Variants in CHRM2 observed in about 807,000 individuals in gnomAD.
The protein encoded by CHRM2 is cholinergic receptor muscarinic 2, also known as muscarinic acetylcholine receptor M2.
A neutral mutation model predicts 25.0 loss-of-function variants in CHRM2; 8 were observed. The observed-to-expected ratio is 0.32, with a 90% CI of 0.19 to 0.58. CHRM2 has a LOEUF of 0.58. Ranked by LOEUF, CHRM2 falls within the 20% of genes least tolerant of loss-of-function variation. CHRM2 has a pLI of 0.88. For synonymous variants in CHRM2, 202 were observed against 205.7 expected (o/e 0.98, Z 0.15); for missense variants, 440 against 567.1 (o/e 0.78, Z 2.28).
At chr7:136,908,567 A>G (rs1334611152) in intron 2 of CHRM2, among the ~76,000 whole-genome samples, 1 of 151,954 alleles carries the variant, frequency 6.6e-6, no homozygotes, top group African/African-American at 2.4e-5. Flanking sequence ...TTTTCTTTAT[A>G]CATTAGGTAG....
chr7:136,919,154 C>T (rs1798285790), intron 2 of CHRM2, among the ~76,000 whole-genome samples: 1 of 152,074 alleles, frequency 6.6e-6, no homozygotes, highest in African/African-American at 2.4e-5. Flanking sequence ...GTTCAAGACA[C>T]TGTACGAAGA....
chr7:137,012,177 T>C (rs1336646949), intron 3 of CHRM2, among the ~76,000 whole-genome samples: 2 of 152,042 alleles, frequency 1.3e-5, no homozygotes, highest in Non-Finnish European at 2.9e-5. Context: ...GATACACATA[T>C]AGCTCAACTC....
intron 2 of CHRM2, among the ~76,000 whole-genome samples, chr7:136,914,529 G>A (rs1798001913): frequency 6.6e-6 from 1 of 151,860 alleles, no homozygotes; most frequent in African/African-American, 2.4e-5. Context: ...GCCCATGATG[G>A]AGTCAGAATA....
At position 136,980,500 on chromosome 7, in the gene CHRM2, G is replaced by A. The variant is rs372893075; in HGVS notation, c.-124-11687G>A. ...ACTTTGTTAAATAGGAGTGGTGAGAGAGGGCATCCTTGTCTTCTGCCAGTT... is the reference window on the plus strand; with the variant it reads ...ACTTTGTTAAATAGGAGTGGTGAGAAAGGGCATCCTTGTCTTCTGCCAGTT... On this transcript the variant is annotated intron_variant, in intron 2 of 3. Coordinates refer to ENST00000680005, the MANE Select transcript of CHRM2 (RefSeq NM_001006630.2). Among the ~76,000 whole-genome samples, 20 of 152,322 alleles carry A rather than the reference G, an allele frequency of 1.3e-4. No individual in the cohort carries two copies. In the East Asian group the frequency reaches 1.4e-3, roughly 10 times the overall value.
chr7:136,873,706 A>G (rs952653829), intron 2 of CHRM2, among the ~76,000 whole-genome samples: 2 of 152,286 alleles, frequency 1.3e-5, no homozygotes, highest in East Asian at 3.9e-4. Context: ...TAGTTGTGGC[A>G]CTTGTTTTCC....
At chr7:137,003,510 AC>A (rs1563120398) in intron 3 of CHRM2, among the ~76,000 whole-genome samples, 2 of 147,914 alleles carry the variant, frequency 1.4e-5, no homozygotes. Flanking sequence ...ACACACACAC[AC>A]ACACACACAC....
intron 3 of CHRM2, among the ~76,000 whole-genome samples, chr7:136,992,778 G>T (rs1339253834): frequency 1.3e-5 from 2 of 152,068 alleles, no homozygotes; most frequent in African/African-American, 4.8e-5. Context: ...TTAAGGAATT[G>T]AATCATGAAA....
chr7:136,943,868 C>G (rs1241975842), intron 2 of CHRM2, among the ~76,000 whole-genome samples: 1 of 152,042 alleles, frequency 6.6e-6, no homozygotes, highest in Non-Finnish European at 1.5e-5. Context: ...AAAACACTGG[C>G]TAATAGACTT....
At chr7:136,961,458 A>G (rs1446504470) in intron 2 of CHRM2, among the ~76,000 whole-genome samples, 1 of 152,236 alleles carries the variant, frequency 6.6e-6, no homozygotes, top group African/African-American at 2.4e-5. Context: ...ATACTGAGAT[A>G]CTTTTTAAAT....
rs778079355 is a variant in CHRM2, at chr7:137,014,862, C to T, written c.-4C>T. The T allele has an allele frequency of 6.2e-7, 1 of 1,612,750 alleles. No homozygotes were observed. Among genetic ancestry groups the T allele is most frequent in the Non-Finnish European group, 8.5e-7 (1 of 1,179,258 alleles). Reference sequence around the variant, plus strand: ...CTACTTGGCTACTGATTAGAGAACGCAAAATGAATAACTCAACAAACTCCT... The same window carrying T: ...CTACTTGGCTACTGATTAGAGAACGTAAAATGAATAACTCAACAAACTCCT... On this transcript the variant is annotated 5_prime_UTR_variant, in exon 4 of 4. Transcript: ENST00000680005.
intron 2 of CHRM2, among the ~76,000 whole-genome samples, chr7:136,970,849 T>G (rs1332778513): frequency 6.6e-6 from 1 of 152,178 alleles, no homozygotes; most frequent in Non-Finnish European, 1.5e-5. Context: ...GACTCAGAGA[T>G]TTTGCTTGGG....
At chr7:137,000,794 G>A (rs958706415) in intron 3 of CHRM2, among the ~76,000 whole-genome samples, 5 of 150,834 alleles carry the variant, frequency 3.3e-5, no homozygotes, top group African/African-American at 4.9e-5. Context: ...CACCTGTCAC[G>A]ATTTTTTATC....
chr7:136,974,523 G>A (rs575887690), intron 2 of CHRM2, among the ~76,000 whole-genome samples: 40 of 152,286 alleles, frequency 2.6e-4, no homozygotes, highest in African/African-American at 9.1e-4. Context: ...TTTAAGTAGT[G>A]AGGCTTTCCA....
At chr7:136,977,390 T>A (rs202004580) in intron 2 of CHRM2, among the ~76,000 whole-genome samples, 97 of 2,732 alleles carry the variant, frequency 0.036, 2 homozygotes, top group East Asian at 0.12. Context: ...CCCTGAATCT[T>A]TTTTTTTTCT....
rs570207328 is a variant in CHRM2, at chr7:136,874,200, G to A, written c.-125+4782G>A. On this transcript the variant is annotated intron_variant, in intron 2 of 3. Coordinates refer to ENST00000680005, the MANE Select transcript of CHRM2 (RefSeq NM_001006630.2). ...GCACTTAAGATTCTGAATTTCAATG[G>A]CCCCATTTACTTTTAATTAGTATTT... Among the ~76,000 whole-genome samples, 17 of 152,148 alleles carry A rather than the reference G, an allele frequency of 1.1e-4. No homozygotes were observed. In the Middle Eastern group the frequency reaches 0.014, roughly 122 times the overall value.
chr7:136,998,729 G>C (rs1803775976), intron 3 of CHRM2, among the ~76,000 whole-genome samples: 1 of 152,126 alleles, frequency 6.6e-6, no homozygotes, highest in Admixed American at 6.6e-5. Flanking sequence ...ACGGAGAGGT[G>C]GTTTGGGTGG....
chr7:136,999,410 TA>T (rs1803830728), intron 3 of CHRM2, among the ~76,000 whole-genome samples: 1 of 152,084 alleles, frequency 6.6e-6, no homozygotes, highest in Admixed American at 6.6e-5. Flanking sequence ...TTTTTTTAAT[TA>T]TACTTTAAGT....
chr7:136,952,937 C>T (rs547515455), intron 2 of CHRM2, among the ~76,000 whole-genome samples: 11 of 152,184 alleles, frequency 7.2e-5, no homozygotes, highest in African/African-American at 2.6e-4. Context: ...CATAGTATTC[C>T]ATGGTTTATA....
chr7:136,994,521 C>CTTTTTTTTTTTTTTTTTTTT (rs757243972), intron 3 of CHRM2, among the ~76,000 whole-genome samples: 4 of 71,416 alleles, frequency 5.6e-5, no homozygotes, highest in African/African-American at 1.7e-4. Flanking sequence ...TTTTTCTTTT[C>CTTTTTTTTTTTTTTTTTTTT]TTTTTTTTTT....
Sources: gnomAD v4.1 joint callset for allele counts (sites outside exome capture counted in the v4.1 genomes callset) on GRCh38, gnomAD v4.1.1 for gene constraint, MANE v1.5 for transcripts, NCBI Gene and HGNC (gene_info 2026-07-23, HGNC 2026-07-21) for gene names.